The following PKIB variants were observed in gnomAD, a reference collection of about 807,000 sequenced individuals.
The protein encoded by PKIB is PKI-beta.
Under a neutral mutation model 4.5 loss-of-function variants are expected in PKIB, and 2 were observed. That is an observed-to-expected ratio of 0.44 (90% CI 0.18 to 1.39). PKIB has a LOEUF of 1.39. PKIB is among the 40% of genes most tolerant of loss of function. The pLI is 0.27. For missense variants in PKIB, 94 were observed against 92.6 expected, an observed-to-expected ratio of 1.02 and a Z score of -0.06; for synonymous variants, 38 against 36.0, an observed-to-expected ratio of 1.06 and a Z score of -0.20.
chr6:122,563,792 G>A (rs1773101699), intron 2 of PKIB, among the ~76,000 whole-genome samples: 1 of 152,072 alleles, frequency 6.6e-6, no homozygotes, highest in South Asian at 2.1e-4. Flanking sequence ...AAACCGAAGG[G>A]TCAGTCTCAC....
chr6:122,601,695 A>T (rs1481737722), intron 3 of PKIB, among the ~76,000 whole-genome samples: 1 of 152,144 alleles, frequency 6.6e-6, no homozygotes, highest in East Asian at 1.9e-4. Context: ...TATAGTATAT[A>T]TATTGTCTCT....
upstream of PKIB, among the ~76,000 whole-genome samples, chr6:122,607,358 A>C (rs570139908): frequency 3.7e-4 from 57 of 152,082 alleles, no homozygotes; most frequent in Admixed American, 1.2e-3. Context: ...AAACAAAAAA[A>C]CCCACAAAAG....
chr6:122,593,325 T>C (rs1774071569), intron 3 of PKIB, among the ~76,000 whole-genome samples: 1 of 152,222 alleles, frequency 6.6e-6, no homozygotes, highest in South Asian at 2.1e-4. Flanking sequence ...GCTTTTTATT[T>C]TTTTGAAACA....
chr6:122,533,236 C>G (rs1338047437), intron 2 of PKIB, among the ~76,000 whole-genome samples: 1 of 151,916 alleles, frequency 6.6e-6, no homozygotes, highest in Admixed American at 6.6e-5. Context: ...GTGGCATGAT[C>G]TTGGCTCATT....
chr6:122,561,770 C>A lies in PKIB; in HGVS notation c.-247-24151C>A, dbSNP rs142073103. Among the ~76,000 whole-genome samples the A allele has an allele frequency of 2.2e-3, 335 of 152,050 alleles. 8 individuals are homozygous for A. In the East Asian group the frequency reaches 0.044, roughly 20 times the overall value. On this transcript the variant is annotated intron_variant, in intron 2 of 6. Coordinates refer to the PKIB transcript ENST00000392491. ...TTTGGTGTCCATTTGCATGAAATGC[C>A]TTTTTCCACCCCTTTACTTTAAGTT...
chr6:122,694,808 G>A lies in PKIB; in HGVS notation c.-9+19664G>A, dbSNP rs201268267. Among the ~76,000 whole-genome samples the A allele has an allele frequency of 7.2e-5, 11 of 152,300 alleles. No homozygotes were observed. The East Asian group carries it at 1.9e-3, about 27-fold the overall frequency. Reference sequence around the variant, plus strand: ...GCTACTGAGCTAAAAGGATATTCAGGTCGAGGTGTACATAGCTGGGAGAAG... The same window carrying A: ...GCTACTGAGCTAAAAGGATATTCAGATCGAGGTGTACATAGCTGGGAGAAG... On this transcript the variant is annotated intron_variant, in intron 3 of 4. Transcript: ENST00000368452.
At chr6:122,609,641 G>T (rs1226133339), upstream of PKIB, among the ~76,000 whole-genome samples, 3 of 152,162 alleles carry the variant, frequency 2.0e-5, no homozygotes, top group Non-Finnish European at 4.4e-5. Flanking sequence ...GGAGACCAGA[G>T]GAGATTTTAA....
chr6:122,712,704 G>A (rs1779322245), intron 3 of PKIB, among the ~76,000 whole-genome samples: 1 of 152,148 alleles, frequency 6.6e-6, no homozygotes, highest in Non-Finnish European at 1.5e-5. Context: ...TGAAGTCTTA[G>A]GTATAAAATG....
Position 122,708,494 on chromosome 6 carries a change from A to G in PKIB, c.-8-9293A>G, listed in dbSNP as rs374694205. On this transcript the variant is annotated intron_variant, in intron 3 of 4. Coordinates refer to ENST00000368452, the MANE Select transcript of PKIB (RefSeq NM_181795.3). Reference sequence around the variant, plus strand: ...TTCCTATGGGCAGTGTAGGGGAGATATGGTTTTCTGTGACTGGTGACTTGT... The same window carrying G: ...TTCCTATGGGCAGTGTAGGGGAGATGTGGTTTTCTGTGACTGGTGACTTGT... Among the ~76,000 whole-genome samples, 222 of 152,222 alleles carry G rather than the reference A, an allele frequency of 1.5e-3. 5 individuals carry two copies. In the South Asian group the frequency reaches 0.045, roughly 31 times the overall value.
intron 3 of PKIB, among the ~76,000 whole-genome samples, chr6:122,695,655 A>T (rs760540795): frequency 6.6e-6 from 1 of 152,146 alleles, no homozygotes; most frequent in Non-Finnish European, 1.5e-5. Flanking sequence ...TTATAACTTT[A>T]TAAAGTTATT....
chr6:122,716,613 T>C (rs1779507763), intron 3 of PKIB, among the ~76,000 whole-genome samples: 1 of 107,906 alleles, frequency 9.3e-6, no homozygotes, highest in Non-Finnish European at 1.9e-5. Flanking sequence ...TTGCATTTCT[T>C]GCATTCTATG....
At position 122,726,240 on chromosome 6, in the gene PKIB, AT is replaced by A. The variant is rs1249300334; in HGVS notation, c.*1046del. Reference sequence around the variant, plus strand: ...ATAATAGAATTCTGAAGTTTTAAAAATGTCAGTAATTAATTTATTTTCATTT... The same window carrying A: ...ATAATAGAATTCTGAAGTTTTAAAAAGTCAGTAATTAATTTATTTTCATTT... On this transcript the variant is annotated 3_prime_UTR_variant, in exon 5 of 5. Transcript: ENST00000368452. The A allele has an allele frequency of 1.3e-5, 2 of 152,154 alleles. No homozygotes were observed. Among genetic ancestry groups the A allele is most frequent in the Non-Finnish European group, 2.9e-5 (2 of 68,010 alleles). The allele number at this position is 152,154 out of a possible 1,614,324, so 9.4% of individuals were successfully genotyped here.
chr6:122,493,395 G>T (rs1373736024), intron 2 of PKIB: 1 of 152,180 alleles, frequency 6.6e-6, no homozygotes, highest in Admixed American at 6.5e-5. Flanking sequence ...TTAGCCTTCA[G>T]AAATGTGAGA....
At chr6:122,638,236 A>G (rs749423365) in intron 2 of PKIB, among the ~76,000 whole-genome samples, 57 of 152,206 alleles carry the variant, frequency 3.7e-4, no homozygotes, top group Admixed American at 5.9e-4. Context: ...TTAATGACCA[A>G]TAATTTTTTT....
intron 2 of PKIB, among the ~76,000 whole-genome samples, chr6:122,670,606 T>C (rs1245782229): frequency 1.3e-5 from 2 of 152,174 alleles, no homozygotes; most frequent in African/African-American, 4.8e-5. Flanking sequence ...GGTCCTAGTA[T>C]ACCTGTTGCC....
Position 122,509,922 on chromosome 6 carries a change from A to G in PKIB, c.-248+31983A>G, listed in dbSNP as rs143836648. Among the ~76,000 whole-genome samples, 581 of 151,132 alleles carry G rather than the reference A, an allele frequency of 3.8e-3. 5 individuals are homozygous for G. Among genetic ancestry groups the G allele is most frequent in the African/African-American group, 0.013 (523 of 41,196 alleles). On this transcript the variant is annotated intron_variant, in intron 2 of 6. Coordinates refer to the PKIB transcript ENST00000392491. The stretch of plus-strand genomic sequence containing the variant: ...GGGCTTGTTGAGTTTTTTTTTTTTA[A>G]TTACTTTTAATTCTTTTATGGCCTT...
chr6:122,709,947 T>C (rs1779206536), intron 3 of PKIB, among the ~76,000 whole-genome samples: 1 of 152,220 alleles, frequency 6.6e-6, no homozygotes. Flanking sequence ...GCCTGACTCC[T>C]ATCTATTTTG....
At position 122,712,518 on chromosome 6, in the gene PKIB, G is replaced by C. The variant is rs193082921; in HGVS notation, c.-8-5269G>C. 2.0e-4 allele frequency among the ~76,000 whole-genome samples: 31 copies of C among 152,276 alleles called. No homozygotes were observed. The East Asian group carries it at 5.8e-3, about 28-fold the overall frequency. On this transcript the variant is annotated intron_variant, in intron 3 of 4. Transcript: ENST00000368452. Reference sequence around the variant, plus strand: ...TAGATAAGGCATTTGGTTATCAGGGGAGACCAGTGTCAGTCTGTCCATTTG... The same window carrying C: ...TAGATAAGGCATTTGGTTATCAGGGCAGACCAGTGTCAGTCTGTCCATTTG...
At chr6:122,676,116 G>A (rs1777662110) in intron 3 of PKIB, among the ~76,000 whole-genome samples, 1 of 151,734 alleles carries the variant, frequency 6.6e-6, no homozygotes, top group Non-Finnish European at 1.5e-5. Flanking sequence ...ATCAATGGGA[G>A]CGCTGAGCTT....
Sources: gnomAD v4.1 joint callset for allele counts (sites outside exome capture counted in the v4.1 genomes callset) on GRCh38, gnomAD v4.1.1 for gene constraint, MANE v1.5 for transcripts, NCBI Gene and HGNC (gene_info 2026-07-23, HGNC 2026-07-21) for gene names.